The following ARHGAP35 variants were observed in gnomAD, a reference collection of about 807,000 sequenced individuals.
ARHGAP35 encodes the protein Rho GTPase activating protein 35.
A neutral mutation model predicts 111.1 loss-of-function variants in ARHGAP35; 15 were observed. That is an observed-to-expected ratio of 0.13 (90% confidence interval 0.09 to 0.21). ARHGAP35 has a LOEUF of 0.21. Ranked by LOEUF, ARHGAP35 falls within the 10% of genes least tolerant of loss-of-function variation. ARHGAP35 has a pLI of 1.00. For missense variants in ARHGAP35, 1,262 were observed against 1,873.0 expected, an observed-to-expected ratio of 0.67 and a Z score of 6.02; for synonymous variants, 643 against 710.3, an observed-to-expected ratio of 0.91 and a Z score of 1.51.
intron 2 of ARHGAP35, among the ~76,000 whole-genome samples, chr19:46,931,251 T>C (rs1039717658): frequency 3.3e-5 from 5 of 152,196 alleles, no homozygotes; most frequent in Non-Finnish European, 5.9e-5. Context: ...AAACTGTTTT[T>C]GTTCAGCAAA....
At chr19:46,935,817 AT>A (rs2056304275) in intron 2 of ARHGAP35, among the ~76,000 whole-genome samples, 2 of 152,326 alleles carry the variant, frequency 1.3e-5, no homozygotes, top group Admixed American at 1.3e-4. Context: ...GCTTTAGGAA[AT>A]TTATCATTTG....
chr19:46,957,841 T>C (rs866934472), intron 3 of ARHGAP35, among the ~76,000 whole-genome samples: 5 of 152,196 alleles, frequency 3.3e-5, no homozygotes, highest in Admixed American at 2.0e-4. Context: ...AGATAATGCA[T>C]AGGGCATGGT....
At chr19:46,959,941 AAT>A (rs1568480060) in intron 3 of ARHGAP35, among the ~76,000 whole-genome samples, 2 of 149,586 alleles carry the variant, frequency 1.3e-5, no homozygotes, top group African/African-American at 2.5e-5. Context: ...CTACAAAAAA[AAT>A]TTTTTTTTTT....
At chr19:46,969,655 G>A (rs1031294571) in intron 3 of ARHGAP35, among the ~76,000 whole-genome samples, 2 of 152,178 alleles carry the variant, frequency 1.3e-5, no homozygotes, top group Admixed American at 1.3e-4. Flanking sequence ...CAGAGGGTTG[G>A]ACCAGTCCTG....
At chr19:46,893,982 A>G (rs943857853) in intron 1 of ARHGAP35, among the ~76,000 whole-genome samples, 3 of 151,490 alleles carry the variant, frequency 2.0e-5, no homozygotes, top group Non-Finnish European at 4.4e-5. Flanking sequence ...GGGAAAAACC[A>G]AACTTCTCTA....
rs1260657708 is a variant in ARHGAP35, at chr19:46,922,563, AGTT to A, written c.3681+215_3681+217del. Among the ~76,000 whole-genome samples, 6 of 152,178 alleles carry A rather than the reference AGTT, an allele frequency of 3.9e-5. No homozygotes were observed. The highest frequency in any genetic ancestry group is 7.3e-5 in the Non-Finnish European group (5 of 68,038). ...GTTAGGACTTTGGATAGATAGTCTG[AGTT>A]GTTGTTGCCTAAAACAATAGTTAAT... On this transcript the variant is annotated intron_variant, in intron 2 of 6. Coordinates refer to ENST00000672722, the MANE Select transcript of ARHGAP35 (RefSeq NM_004491.5). The surrounding 1 kb of genome is among the most constrained non-coding windows in gnomAD (Gnocchi z 4.0).
At position 46,921,520 on chromosome 19, in the gene ARHGAP35, G is replaced by A; in HGVS notation, c.2845G>A (p.Glu949Lys). Residue 949 changes from glutamate (E) to lysine (K), a missense_variant, in exon 2 of 7, where the codon GAG becomes AAG. Transcript: ENST00000672722. This position sits in a 1 kb window ranked among gnomAD's most constrained non-coding sequence, Gnocchi z 4.3. ...KDVVEKKNII[E>K]ATHMYDNAAE... ...TGTGGTGGAAAAAAAGAACATAATC[G>A]AGGCTACTCATATGTACGATAATGC... 3 of 1,613,898 alleles carry A rather than the reference G, an allele frequency of 1.9e-6. No individual in the cohort carries two copies. Among genetic ancestry groups the A allele is most frequent in the East Asian group, 2.2e-5 (1 of 44,886 alleles).
intron 1 of ARHGAP35, among the ~76,000 whole-genome samples, chr19:46,899,726 C>T (rs55710191): frequency 0.013 from 1,772 of 139,052 alleles, 37 homozygotes; most frequent in Middle Eastern, 0.015. Flanking sequence ...AAAACAAAAA[C>T]AAAAAAAAAA....
intron 1 of ARHGAP35, among the ~76,000 whole-genome samples, chr19:46,886,166 G>A (rs1291672444): frequency 1.3e-5 from 2 of 152,080 alleles, no homozygotes; most frequent in African/African-American, 4.8e-5. Flanking sequence ...CATTTCAAAT[G>A]CCTCCTCTCT....
At chr19:46,932,896 G>A (rs1286279329) in intron 2 of ARHGAP35, among the ~76,000 whole-genome samples, 2 of 152,170 alleles carry the variant, frequency 1.3e-5, no homozygotes, top group African/African-American at 2.4e-5. Flanking sequence ...AGAGATAGGA[G>A]CAGTTGTCTC....
rs115921445 is a variant in ARHGAP35, at chr19:46,892,621, A to G, written c.-188-25867A>G. Among the ~76,000 whole-genome samples, 1,182 of 150,696 alleles carry G rather than the reference A, an allele frequency of 7.8e-3. 8 individuals carry two copies. Among genetic ancestry groups the G allele is most frequent in the African/African-American group, 0.027 (1,106 of 41,128 alleles). On this transcript the variant is annotated intron_variant, in intron 1 of 6. Transcript: ENST00000672722. ...AAGTATGTAATGAAGATACAGGGAG[A>G]ATATTCAGAAGTTTTTGTTGGCTGC...
At chr19:46,870,514 G>A (rs778879453) in intron 1 of ARHGAP35, among the ~76,000 whole-genome samples, 52 of 152,116 alleles carry the variant, frequency 3.4e-4, no homozygotes, top group Non-Finnish European at 6.2e-4. Flanking sequence ...AGGAGGCGGA[G>A]CTTGCAGTGA....
rs1456554223 is a variant in ARHGAP35, at chr19:47,005,027, C to T, written c.*4339C>T. 2.0e-5 allele frequency: 3 copies of T among 152,128 alleles called. No individual in the cohort carries two copies. Among genetic ancestry groups the T allele is most frequent in the African/African-American group, 7.2e-5 (3 of 41,398 alleles). 9.4% of individuals were successfully genotyped at this position (152,128 alleles called of 1,614,324 possible). A position where few individuals can be genotyped will look rare whatever the true frequency, so the allele number is the denominator to read the frequency against. ...TGGGAATGGTGTAAAAAACAAAAGG[C>T]CTTATGTGATCTGTATCATAGTTAA... On this transcript the variant is annotated 3_prime_UTR_variant, in exon 7 of 7. Coordinates refer to ENST00000672722, the MANE Select transcript of ARHGAP35 (RefSeq NM_004491.5).
intron 1 of ARHGAP35, among the ~76,000 whole-genome samples, chr19:46,862,051 C>T (rs572311362): frequency 1.3e-5 from 2 of 152,168 alleles, no homozygotes; most frequent in Non-Finnish European, 2.9e-5. Flanking sequence ...CTTGCCTGTT[C>T]CCCTTCTCAG....
intron 1 of ARHGAP35, among the ~76,000 whole-genome samples, chr19:46,864,944 A>G (rs1048035182): frequency 1.3e-5 from 2 of 152,260 alleles, no homozygotes; most frequent in Non-Finnish European, 2.9e-5. Flanking sequence ...CAGAGTTTTA[A>G]TATCATTGGC....
rs1404192331 is a variant in ARHGAP35, at chr19:46,921,110, C to G, written c.2435C>G (p.Ser812Cys). The change falls in exon 2 of 7, where the codon TCC becomes TGC. Residue 812 changes from serine to cysteine, a missense_variant. Transcript: ENST00000672722. The surrounding 1 kb of genome is among the most constrained non-coding windows in gnomAD (Gnocchi z 4.3). Reference protein sequence around the residue: ...PVLQSQTCKSSHCGSNNSVLL... With the variant: ...PVLQSQTCKSCHCGSNNSVLL... The stretch of plus-strand genomic sequence containing the variant: ...CTTCAGTCCCAAACCTGTAAATCTT[C>G]CCATTGTGGAAGCAACAACTCTGTT... The G allele has an allele frequency of 6.2e-7, 1 of 1,613,872 alleles. No individual in the cohort carries two copies. Among genetic ancestry groups the G allele is most frequent in the Admixed American group, 1.7e-5 (1 of 60,006 alleles).
chr19:46,878,475 C>T (rs768639106), intron 1 of ARHGAP35, among the ~76,000 whole-genome samples: 8 of 151,996 alleles, frequency 5.3e-5, no homozygotes, highest in East Asian at 1.9e-4. Flanking sequence ...CACACTACCA[C>T]GCTTGGCTAA....
At chr19:46,998,552 C>T (rs757333193) in intron 5 of ARHGAP35, among the ~76,000 whole-genome samples, 1 of 152,216 alleles carries the variant, frequency 6.6e-6, no homozygotes, top group Non-Finnish European at 1.5e-5. Context: ...ACAGCCAGTC[C>T]CAGCTCTGCA....
At chr19:46,868,699 C>T (rs1456721117) in intron 1 of ARHGAP35, among the ~76,000 whole-genome samples, 1 of 152,018 alleles carries the variant, frequency 6.6e-6, no homozygotes, top group Non-Finnish European at 1.5e-5. Context: ...CTTAAATCTA[C>T]ATTTTTTTCA....
Sources: gnomAD v4.1 joint callset for allele counts (sites outside exome capture counted in the v4.1 genomes callset) on GRCh38, gnomAD v4.1.1 for gene constraint, Gnocchi (gnomAD v3.1) non-coding constraint, MANE v1.5 for transcripts, NCBI Gene and HGNC (gene_info 2026-07-23, HGNC 2026-07-21) for gene names.